Variants in CDC73 observed in about 807,000 individuals in gnomAD.
CDC73 encodes the protein parafibromin.
A neutral mutation model predicts 83.7 loss-of-function variants in CDC73; 21 were observed. That is an observed-to-expected ratio of 0.25 (90% CI 0.18 to 0.36). CDC73 has a LOEUF of 0.36. CDC73 is among the 10% of genes least tolerant of loss of function. The pLI is 1.00. For missense variants in CDC73, 342 were observed against 653.3 expected (o/e 0.52, Z 5.19); for synonymous variants, 224 against 212.9 (o/e 1.05, Z -0.45).
At chr1:193,136,805 C>T (rs1034788444) in intron 5 of CDC73, among the ~76,000 whole-genome samples, 2 of 152,310 alleles carry the variant, frequency 1.3e-5, no homozygotes, top group East Asian at 1.9e-4. Context: ...CTGCCCACCT[C>T]GGCCTCCCGA....
At chr1:193,234,179 A>T (rs57925827) in intron 14 of CDC73, among the ~76,000 whole-genome samples, 1,392 of 17,850 alleles carry the variant, frequency 0.078, 13 homozygotes, top group African/African-American at 0.15. Flanking sequence ...TCTCTCTCAC[A>T]CACACACACA....
rs1281981257 is a variant in CDC73 at position 193,147,944 on chromosome 1, T to G, written c.807T>G (p.Pro269=). The G allele has an allele frequency of 2.5e-6, 4 of 1,612,136 alleles. No homozygotes were observed. The South Asian group carries it at 4.4e-5, about 18-fold the overall frequency. Residue 269 remains proline (P), a synonymous_variant, in exon 8 of 17, where the codon CCT becomes CCG. Transcript: ENST00000367435. ...REEGRAPEQR[P]APNAAPVDPT... ...AAGGGCGTGCACCTGAACAGCGACC[T>G]GCCCCAAATGCAGCACCTGTGGTAA...
chr1:193,208,508 G>A (rs556397282), intron 11 of CDC73, among the ~76,000 whole-genome samples: 6 of 152,320 alleles, frequency 3.9e-5, no homozygotes, highest in Non-Finnish European at 8.8e-5. Flanking sequence ...AGTTTGAGTA[G>A]CACCATTGTT....
intron 15 of CDC73, among the ~76,000 whole-genome samples, chr1:193,242,900 G>A (rs141247901): frequency 0.012 from 1,864 of 151,790 alleles, 18 homozygotes; most frequent in South Asian, 0.034. Flanking sequence ...ATTGTGCTGC[G>A]GTAAAACTGG....
At chr1:193,174,654 T>C (rs1676572927) in intron 10 of CDC73, among the ~76,000 whole-genome samples, 1 of 152,196 alleles carries the variant, frequency 6.6e-6, no homozygotes, top group Non-Finnish European at 1.5e-5. Flanking sequence ...ATTACATTGT[T>C]CCTGGCGAAT....
In CDC73 at chr1:193,142,970, TTAA is replaced by T. The variant is rs537923471; in HGVS notation, c.729+909_729+911del. 3.9e-3 allele frequency among the ~76,000 whole-genome samples: 596 copies of T among 152,350 alleles called. 1 individual carries two copies. The highest frequency in any genetic ancestry group is 0.014 in the African/African-American group (571 of 41,582). On this transcript the variant is annotated intron_variant, in intron 7 of 16. Coordinates refer to ENST00000367435, the MANE Select transcript of CDC73 (RefSeq NM_024529.5). ...TGTTTTCTCCACTGATGCACAGTTG[TTAA>T]TAATGATGATCTAGTAAGAATGTTG...
At chr1:193,150,836 G>T (rs928818989) in intron 9 of CDC73, among the ~76,000 whole-genome samples, 1 of 152,170 alleles carries the variant, frequency 6.6e-6, no homozygotes, top group Non-Finnish European at 1.5e-5. Flanking sequence ...ATTATTGTGA[G>T]TATTGGACTG....
intron 13 of CDC73, among the ~76,000 whole-genome samples, chr1:193,212,768 T>G (rs548195075): frequency 6.6e-6 from 1 of 152,264 alleles, no homozygotes; most frequent in South Asian, 2.1e-4. Flanking sequence ...CTGAGAGAGC[T>G]TGAGGAAGTT....
chr1:193,168,687 C>T (rs1168418333), intron 10 of CDC73, among the ~76,000 whole-genome samples: 2 of 152,020 alleles, frequency 1.3e-5, no homozygotes, highest in African/African-American at 4.8e-5. Flanking sequence ...CCATGGCTGG[C>T]TAATTTTTGT....
chr1:193,122,102 G>A lies in CDC73; in HGVS notation c.-99G>A. 8.2e-7 allele frequency: 1 copy of A among 1,221,466 alleles called. No homozygotes were observed. The highest frequency in any genetic ancestry group is 1.2e-6 in the Non-Finnish European group (1 of 835,986). 75.7% of individuals were successfully genotyped at this position (1,221,466 alleles called of 1,614,324 possible). Reference sequence around the variant, plus strand: ...GCTGCTGTTGGTTCGTCGCGGCGGCGAAGGAGGAGGAGGAAGAGGGCGAGG... The same window carrying A: ...GCTGCTGTTGGTTCGTCGCGGCGGCAAAGGAGGAGGAGGAAGAGGGCGAGG... On this transcript the variant is annotated 5_prime_UTR_variant, in exon 1 of 17. Coordinates refer to ENST00000367435, the MANE Select transcript of CDC73 (RefSeq NM_024529.5).
chr1:193,159,900 C>T (rs1676279480), intron 10 of CDC73, among the ~76,000 whole-genome samples: 1 of 151,610 alleles, frequency 6.6e-6, no homozygotes, highest in South Asian at 2.1e-4. Context: ...TAATATTTTG[C>T]CAGCATTATT....
At chr1:193,243,301 G>T (rs938315468) in intron 15 of CDC73, among the ~76,000 whole-genome samples, 1 of 152,088 alleles carries the variant, frequency 6.6e-6, no homozygotes, top group Non-Finnish European at 1.5e-5. Context: ...GAATAGGAAA[G>T]ATTTTTTTTA....
intron 7 of CDC73, 49 bp downstream of exon 7, chr1:193,142,115 GA>G: frequency 1.5e-5 from 21 of 1,436,228 alleles, no homozygotes; most frequent in East Asian, 2.3e-5. Flanking sequence ...GAGAGAGAGA[GA>G]GTGCGTTTAA....
intron 10 of CDC73, among the ~76,000 whole-genome samples, chr1:193,192,586 T>C (rs942227496): frequency 1.3e-5 from 2 of 152,168 alleles, no homozygotes; most frequent in Non-Finnish European, 2.9e-5. Flanking sequence ...ATGGCCCGAT[T>C]AGAAATAGGG....
At chr1:193,208,640 T>G (rs1003535644) in intron 11 of CDC73, among the ~76,000 whole-genome samples, 1 of 152,222 alleles carries the variant, frequency 6.6e-6, no homozygotes, top group African/African-American at 2.4e-5. Context: ...ATCTTTTCAC[T>G]TTCTGGCTTA....
intron 1 of CDC73, 69 bp downstream of exon 1, chr1:193,122,400 T>G (rs1675468932): frequency 6.2e-7 from 1 of 1,602,384 alleles, no homozygotes; most frequent in Non-Finnish European, 8.5e-7. Flanking sequence ...GACCTCTTTC[T>G]TAACCCCTCC....
At chr1:193,148,958 T>C (rs1676056841) in intron 8 of CDC73, among the ~76,000 whole-genome samples, 1 of 152,168 alleles carries the variant, frequency 6.6e-6, no homozygotes, top group South Asian at 2.1e-4. Context: ...AAAAGGCACA[T>C]TGAAATGTAT....
chr1:193,154,517 G>A (rs1676175438), intron 10 of CDC73, among the ~76,000 whole-genome samples: 1 of 152,144 alleles, frequency 6.6e-6, no homozygotes, highest in South Asian at 2.1e-4. Context: ...TGAAAAGAGA[G>A]GTGAACTTAA....
chr1:193,151,865 A>AGGATTGCTT (rs1676118847), intron 9 of CDC73, among the ~76,000 whole-genome samples: 1 of 152,100 alleles, frequency 6.6e-6, no homozygotes, highest in Non-Finnish European at 1.5e-5. Flanking sequence ...GGGGGATGGG[A>AGGATTGCTT]GAAGAGGTTG....
Sources: allele counts gnomAD v4.1 joint callset (sites outside exome capture counted in the v4.1 genomes callset), GRCh38; gene constraint gnomAD v4.1.1; transcripts MANE v1.5; gene names NCBI Gene and HGNC (gene_info 2026-07-23, HGNC 2026-07-21).